The following PTPRT variants were observed in gnomAD, a reference collection of about 807,000 sequenced individuals.
PTPRT encodes the protein protein tyrosine phosphatase receptor type T.
A neutral mutation model predicts 176.8 loss-of-function variants in PTPRT; 56 were observed. That is an observed-to-expected ratio of 0.32 (90% CI 0.26 to 0.40). The LOEUF is 0.40. Ranked by LOEUF, PTPRT falls within the 10% of genes least tolerant of loss-of-function variation. PTPRT has a pLI of 1.00. For synonymous variants in PTPRT, 783 were observed against 739.0 expected, an observed-to-expected ratio of 1.06 and a Z score of -0.96; for missense variants, 1,540 against 1,908.2, an observed-to-expected ratio of 0.81 and a Z score of 3.60.
intron 1 of PTPRT, among the ~76,000 whole-genome samples, chr20:42,932,126 G>A (rs1189618081): frequency 6.6e-6 from 1 of 152,254 alleles, no homozygotes; most frequent in Non-Finnish European, 1.5e-5. Flanking sequence ...GGGTGACTAT[G>A]AGAACACAGG....
chr20:42,433,609 C>T (rs1410091721), intron 9 of PTPRT, among the ~76,000 whole-genome samples: 1 of 152,152 alleles, frequency 6.6e-6, no homozygotes, highest in Non-Finnish European at 1.5e-5. Context: ...TATTCATCTC[C>T]CTCTGCTAGG....
At chr20:42,431,026 G>A (rs771004790) in intron 9 of PTPRT, among the ~76,000 whole-genome samples, 7 of 152,184 alleles carry the variant, frequency 4.6e-5, no homozygotes, top group African/African-American at 7.2e-5. Context: ...GTTCGTGTGT[G>A]CGGTGGGGGT....
chr20:42,196,272 A>T (rs1241599215), intron 16 of PTPRT, among the ~76,000 whole-genome samples: 3 of 152,220 alleles, frequency 2.0e-5, no homozygotes, highest in Non-Finnish European at 4.4e-5. Flanking sequence ...AGCCGAAAGC[A>T]GGGGATCCAG....
chr20:42,038,808 G>A, the PTPRT span, among the ~76,000 whole-genome samples: 1 of 152,130 alleles, frequency 6.6e-6, no homozygotes, highest in African/African-American at 2.4e-5. Flanking sequence ...AGAATCTCGG[G>A]TTCCAGGAGG....
At chr20:42,827,423 G>GA (rs1238478084) in intron 2 of PTPRT, among the ~76,000 whole-genome samples, 2 of 152,116 alleles carry the variant, frequency 1.3e-5, no homozygotes, top group African/African-American at 4.8e-5. Flanking sequence ...GCAATTTTAT[G>GA]AAAATTAAAC....
chr20:42,795,884 C>T (rs79655085), intron 2 of PTPRT, among the ~76,000 whole-genome samples: 6,683 of 152,216 alleles, frequency 0.044, 496 homozygotes, highest in African/African-American at 0.15. Flanking sequence ...TAAGTAAAAA[C>T]GGTACTTAAT....
chr20:42,452,622 C>A (rs147720498), intron 8 of PTPRT, among the ~76,000 whole-genome samples: 1 of 151,924 alleles, frequency 6.6e-6, no homozygotes, highest in Non-Finnish European at 1.5e-5. Context: ...GTCTATCTGA[C>A]GGAAATTGAG....
chr20:43,001,742 G>T (rs925302895), intron 1 of PTPRT, among the ~76,000 whole-genome samples: 1 of 152,176 alleles, frequency 6.6e-6, no homozygotes, highest in Non-Finnish European at 1.5e-5. Context: ...AAGAGAAATA[G>T]TATTAAGTTT....
chr20:42,890,767 C>T (rs888724845), intron 1 of PTPRT, among the ~76,000 whole-genome samples: 2 of 152,118 alleles, frequency 1.3e-5, no homozygotes, highest in Non-Finnish European at 2.9e-5. Context: ...ATTTATGGTT[C>T]CAGAGAGTCC....
chr20:42,472,236 T>G, intron 8 of PTPRT, 30 bp downstream of exon 8: 1 of 1,601,402 alleles, frequency 6.2e-7, no homozygotes, highest in South Asian at 1.1e-5. Flanking sequence ...AATATCCCCA[T>G]TCCCATGTAA....
intron 7 of PTPRT, among the ~76,000 whole-genome samples, chr20:42,482,555 T>C (rs768748674): frequency 5.3e-5 from 8 of 152,208 alleles, no homozygotes; most frequent in East Asian, 1.9e-4. Context: ...TGTGCCCTTA[T>C]GGTGTATATA....
intron 15 of PTPRT, among the ~76,000 whole-genome samples, chr20:42,204,459 C>A (rs2055400712): frequency 6.6e-6 from 1 of 152,136 alleles, no homozygotes; most frequent in African/African-American, 2.4e-5. Flanking sequence ...CACACAATTT[C>A]GCCAGCAGGG....
intron 6 of PTPRT, among the ~76,000 whole-genome samples, chr20:42,727,555 G>A (rs1299748929): frequency 6.6e-6 from 1 of 152,188 alleles, no homozygotes; most frequent in African/African-American, 2.4e-5. Context: ...GTGTGTGTCC[G>A]TGAGTGCCTA....
chr20:42,840,971 C>T (rs1007924885), intron 2 of PTPRT, among the ~76,000 whole-genome samples: 1 of 152,170 alleles, frequency 6.6e-6, no homozygotes, highest in East Asian at 1.9e-4. Flanking sequence ...AGCCTTTTGC[C>T]TTGGCTCACT....
chr20:42,880,102 A>C (rs1304816921), intron 2 of PTPRT, among the ~76,000 whole-genome samples: 2 of 152,044 alleles, frequency 1.3e-5, no homozygotes, highest in Non-Finnish European at 2.9e-5. Flanking sequence ...GTACCTGAGG[A>C]GGGGCAGGCC....
chr20:42,647,502 C>T (rs1279456470), intron 7 of PTPRT, among the ~76,000 whole-genome samples: 2 of 152,150 alleles, frequency 1.3e-5, no homozygotes, highest in African/African-American at 4.8e-5. Flanking sequence ...TTCACTTTAC[C>T]CGGAAGTCCA....
intron 1 of PTPRT, among the ~76,000 whole-genome samples, chr20:42,982,367 A>T (rs972465058): frequency 2.0e-5 from 3 of 152,208 alleles, no homozygotes. Flanking sequence ...CAAGTAACAT[A>T]ATTATATCAT....
intron 12 of PTPRT, among the ~76,000 whole-genome samples, chr20:42,311,660 T>G (rs1200331312): frequency 6.6e-6 from 1 of 152,184 alleles, no homozygotes; most frequent in Non-Finnish European, 1.5e-5. Context: ...TTTCTTTCTC[T>G]TTCACAATGG....
At chr20:43,162,127 A>AC (rs1280062165) in intron 1 of PTPRT, among the ~76,000 whole-genome samples, 1 of 152,194 alleles carries the variant, frequency 6.6e-6, no homozygotes, top group Non-Finnish European at 1.5e-5. Flanking sequence ...ACAAAATAAA[A>AC]ACACACACTA....
Sources: allele counts gnomAD v4.1 joint callset (sites outside exome capture counted in the v4.1 genomes callset), GRCh38; gene constraint gnomAD v4.1.1; transcripts MANE v1.5; gene names NCBI Gene and HGNC (gene_info 2026-07-23, HGNC 2026-07-21).